Variants in MIA2 observed in about 807,000 individuals in gnomAD.
The protein encoded by MIA2 is MIA SH3 domain ER export factor 2.
In MIA2, 127 loss-of-function variants were observed where a neutral mutation model predicts 167.8. That is an observed-to-expected ratio of 0.76 (90% CI 0.66 to 0.88). The LOEUF (loss-of-function observed/expected upper bound fraction) is 0.88. Among genes scored for constraint, MIA2 ranks in the 40% least tolerant of loss-of-function variants. The pLI is 0.00. For synonymous variants in MIA2, 552 were observed against 541.9 expected, an observed-to-expected ratio of 1.02 and a Z score of -0.26; for missense variants, 1,690 against 1,624.7, an observed-to-expected ratio of 1.04 and a Z score of -0.69.
intron 2 of MIA2, among the ~76,000 whole-genome samples, chr14:39,238,811 A>AAAAAAAAACAAAAAAC: frequency 5.1e-4 from 53 of 103,604 alleles, no homozygotes; most frequent in Admixed American, 1.0e-3. Context: ...AAAAAAAAAA[A>AAAAAAAAACAAAAAAC]CCCAAAAAAC....
intron 7 of MIA2, among the ~76,000 whole-genome samples, chr14:39,278,336 C>T (rs930682136): frequency 6.6e-6 from 1 of 152,164 alleles, no homozygotes; most frequent in African/African-American, 2.4e-5. Context: ...CTTCTGACTT[C>T]CCTATCTCTT....
intron 18 of MIA2, among the ~76,000 whole-genome samples, chr14:39,312,138 A>AT (rs1333064195): frequency 6.6e-6 from 1 of 152,120 alleles, no homozygotes; most frequent in East Asian, 1.9e-4. Context: ...AAGATATGAT[A>AT]TTTTTAAGTC....
At chr14:39,255,094 CTTAATT>C (rs2054758445) in intron 6 of MIA2, among the ~76,000 whole-genome samples, 2 of 152,104 alleles carry the variant, frequency 1.3e-5, no homozygotes, top group South Asian at 4.1e-4. Context: ...CTCTTCCTCA[CTTAATT>C]TTTTTTTGCT....
Position 39,247,524 on chromosome 14 carries a change from AT to A in MIA2, c.953del (p.Leu318Ter). ...TGWFGGGFTS[Y>X]LGFGDEDTGL... ...TGGTTTGGTGGAGGATTTACAAGTT[AT>A]TTAGGTTTTGGAGATGAGGATACAG... On this transcript the variant is annotated frameshift_variant, in exon 4 of 29. Transcript: ENST00000640607. LOFTEE classifies it high-confidence loss of function. 3.1e-6 allele frequency: 5 copies of A among 1,614,074 alleles called. No homozygotes were observed. The East Asian group carries it at 8.9e-5, about 29-fold the overall frequency.
chr14:39,374,313 T>C (rs1250998456), intron 23 of MIA2, among the ~76,000 whole-genome samples: 1 of 152,172 alleles, frequency 6.6e-6, no homozygotes, highest in Non-Finnish European at 1.5e-5. Context: ...ATCTACAGAA[T>C]ACTAAGGAAA....
intron 6 of MIA2, among the ~76,000 whole-genome samples, chr14:39,269,763 T>C (rs553859385): frequency 5.3e-5 from 8 of 152,278 alleles, no homozygotes; most frequent in African/African-American, 1.9e-4. Flanking sequence ...TCAAGTGATC[T>C]GCCCACCTAG....
downstream of MIA2, among the ~76,000 whole-genome samples, chr14:39,352,607 TG>T (rs1275647651): frequency 2.0e-5 from 3 of 152,044 alleles, no homozygotes; most frequent in Non-Finnish European, 4.4e-5. Flanking sequence ...AATCCATGGA[TG>T]CTCAAGTCTC....
chr14:39,289,591 A>C (rs1214751093), intron 9 of MIA2, among the ~76,000 whole-genome samples: 2 of 152,174 alleles, frequency 1.3e-5, no homozygotes, highest in African/African-American at 2.4e-5. Context: ...GTGGTGTAAA[A>C]CAACACACAT....
chr14:39,340,090 A>T (rs2071450237), intron 25 of MIA2, among the ~76,000 whole-genome samples: 1 of 151,858 alleles, frequency 6.6e-6, no homozygotes, highest in Non-Finnish European at 1.5e-5. Flanking sequence ...CAATCCTCCC[A>T]CCTTGGCCTC....
intron 6 of MIA2, chr14:39,269,078 T>TTTTTTTTTG (rs2056621708): frequency 2.2e-6 from 1 of 461,104 alleles, no homozygotes; most frequent in Non-Finnish European, 2.5e-6. Context: ...TGCACAGTTT[T>TTTTTTTTTG]TTTTTTTTTT....
chr14:39,356,569 A>T (rs1487729252), intron 23 of MIA2, among the ~76,000 whole-genome samples: 2 of 151,852 alleles, frequency 1.3e-5, no homozygotes, highest in Non-Finnish European at 2.9e-5. Context: ...TTCTGCTCTG[A>T]TATTACTTAT....
chr14:39,344,151 G>T (rs1212016854), intron 25 of MIA2, among the ~76,000 whole-genome samples: 1 of 152,172 alleles, frequency 6.6e-6, no homozygotes, highest in African/African-American at 2.4e-5. Context: ...CCAGTGGAGG[G>T]CAACATAGCC....
intron 23 of MIA2, among the ~76,000 whole-genome samples, chr14:39,363,154 G>A (rs1437173613): frequency 6.6e-6 from 1 of 152,214 alleles, no homozygotes; most frequent in South Asian, 2.1e-4. Context: ...ATGCCAGTGA[G>A]AAGAATGTAT....
intron 23 of MIA2, among the ~76,000 whole-genome samples, chr14:39,382,953 G>GGTT: frequency 1.3e-5 from 1 of 75,054 alleles, no homozygotes; most frequent in Non-Finnish European, 2.5e-5. Flanking sequence ...TATGGCCACA[G>GGTT]TTTTTTTTTT....
intron 9 of MIA2, 37 bp downstream of exon 9, chr14:39,279,574 CAG>C (rs761750235): frequency 1.4e-6 from 2 of 1,384,712 alleles, no homozygotes; most frequent in African/African-American, 1.4e-5. Context: ...ATGTTAGAGT[CAG>C]AGAACTTTAT....
intron 6 of MIA2, chr14:39,269,091 TTTTTTTTTG>T (rs2056633765): frequency 1.0e-6 from 1 of 958,518 alleles, no homozygotes; most frequent in African/African-American, 1.8e-5. Flanking sequence ...TTTTTTTTTT[TTTTTTTTTG>T]CTAAATGCGA....
chr14:39,341,012 A>G (rs889324708), intron 25 of MIA2, among the ~76,000 whole-genome samples: 16 of 152,116 alleles, frequency 1.1e-4, no homozygotes, highest in South Asian at 4.2e-4. Flanking sequence ...TTAAAGATGG[A>G]TAATATTGGC....
At chr14:39,357,910 G>A (rs1405006594) in intron 23 of MIA2, among the ~76,000 whole-genome samples, 1 of 152,198 alleles carries the variant, frequency 6.6e-6, no homozygotes, top group African/African-American at 2.4e-5. Flanking sequence ...TAAAGATTCT[G>A]CCGAGAGATC....
At chr14:39,363,364 TA>T (rs1305976216) in intron 23 of MIA2, among the ~76,000 whole-genome samples, 1 of 152,158 alleles carries the variant, frequency 6.6e-6, no homozygotes, top group African/African-American at 2.4e-5. Flanking sequence ...ATCCTGTCTC[TA>T]CAAAAAATAC....
Sources: gnomAD v4.1 joint callset for allele counts (sites outside exome capture counted in the v4.1 genomes callset) on GRCh38, gnomAD v4.1.1 for gene constraint, MANE v1.5 for transcripts, NCBI Gene and HGNC (gene_info 2026-07-23, HGNC 2026-07-21) for gene names.